Variants in NEK1 observed in about 807,000 individuals in gnomAD.
NEK1 encodes NIMA related kinase 1.
A neutral mutation model predicts 182.1 loss-of-function variants in NEK1; 137 were observed. The ratio of observed to expected loss-of-function variants is 0.75; its 90% CI spans 0.65 to 0.87. The LOEUF is 0.87. Among genes scored for constraint, NEK1 ranks in the 40% least tolerant of loss-of-function variants. NEK1 has a pLI of 0.00. For missense variants in NEK1, 1,391 were observed against 1,494.4 expected (o/e 0.93, Z 1.14); for synonymous variants, 513 against 492.2 (o/e 1.04, Z -0.56).
intron 23 of NEK1, among the ~76,000 whole-genome samples, chr4:169,490,554 G>A (rs1208928471): frequency 1.3e-5 from 2 of 152,024 alleles, no homozygotes; most frequent in Admixed American, 6.6e-5. Flanking sequence ...GGATATACAA[G>A]AGGATAGACA....
At chr4:169,519,068 T>C (rs1301322034) in intron 19 of NEK1, among the ~76,000 whole-genome samples, 4 of 46,830 alleles carry the variant, frequency 8.5e-5, no homozygotes, top group East Asian at 6.6e-4. Context: ...CCTTGTTGAC[T>C]TTCTGTCTCG....
intron 23 of NEK1, among the ~76,000 whole-genome samples, chr4:169,505,436 A>G (rs1184619932): frequency 6.6e-6 from 1 of 152,240 alleles, no homozygotes; most frequent in Non-Finnish European, 1.5e-5. Flanking sequence ...TTTTCTTAAT[A>G]ACATTTTTCC....
intron 23 of NEK1, among the ~76,000 whole-genome samples, chr4:169,500,662 G>A (rs1752266459): frequency 6.6e-6 from 1 of 152,156 alleles, no homozygotes; most frequent in Non-Finnish European, 1.5e-5. Flanking sequence ...GCCAAGCTAA[G>A]TAAGCTTCAT....
At chr4:169,429,654 A>G (rs937071176) in intron 29 of NEK1, among the ~76,000 whole-genome samples, 2 of 152,108 alleles carry the variant, frequency 1.3e-5, no homozygotes, top group African/African-American at 4.8e-5. Context: ...GTATCTGACT[A>G]GCAGTGACAT....
chr4:169,446,990 C>A (rs142821098), intron 27 of NEK1, among the ~76,000 whole-genome samples: 2 of 143,290 alleles, frequency 1.4e-5, no homozygotes, highest in Admixed American at 6.7e-5. Flanking sequence ...TTCGTTGTAA[C>A]GAGGAAGTAG....
chr4:169,399,600 TAA>T (rs1251349925), intron 35 of NEK1, among the ~76,000 whole-genome samples: 1 of 152,034 alleles, frequency 6.6e-6, no homozygotes, highest in African/African-American at 2.4e-5. Context: ...TGAATTATTC[TAA>T]GTTATAATCT....
At chr4:169,539,770 C>T (rs1221105506) in intron 18 of NEK1, among the ~76,000 whole-genome samples, 3 of 152,118 alleles carry the variant, frequency 2.0e-5, no homozygotes, top group African/African-American at 7.2e-5. Context: ...TGGAAGTTTA[C>T]ACCACCACCT....
chr4:169,532,772 T>C (rs768678608), intron 19 of NEK1, among the ~76,000 whole-genome samples: 1 of 129,894 alleles, frequency 7.7e-6, no homozygotes, highest in African/African-American at 2.9e-5. Flanking sequence ...AAATCCTATC[T>C]CTACTGAAAA....
chr4:169,580,950 A>C (rs781227892), intron 10 of NEK1, 48 bp from the exon 11 acceptor site: 1 of 1,053,704 alleles, frequency 9.5e-7, no homozygotes, highest in South Asian at 1.6e-5. Flanking sequence ...CATTTTCAAA[A>C]TAAAAAACCT....
intron 23 of NEK1, among the ~76,000 whole-genome samples, chr4:169,492,972 T>C (rs1005667499): frequency 1.3e-5 from 2 of 152,290 alleles, no homozygotes; most frequent in Non-Finnish European, 2.9e-5. Context: ...CCAAAGTGCA[T>C]GATTGTGGAC....
chr4:169,580,021 T>C (rs1044619385), intron 11 of NEK1, among the ~76,000 whole-genome samples: 10 of 152,074 alleles, frequency 6.6e-5, no homozygotes, highest in Non-Finnish European at 1.3e-4. Flanking sequence ...AGGAAAAAAA[T>C]AATTTCCCTC....
rs1264936461 is a variant in NEK1, at chr4:169,402,582, T to C, written c.3375-722A>G. Reference sequence around the variant, plus strand: ...TATTCATTCTATTTTCATGGGATTATAGATGCTGGAATGAAATAACTTATA... The same window carrying C: ...TATTCATTCTATTTTCATGGGATTACAGATGCTGGAATGAAATAACTTATA... On this transcript the variant is annotated intron_variant, in intron 32 of 35. Coordinates refer to ENST00000507142, the MANE Select transcript of NEK1 (RefSeq NM_001199397.3). Among the ~76,000 whole-genome samples, 6 of 152,224 alleles carry C rather than the reference T, an allele frequency of 3.9e-5. No individual in the cohort carries two copies. In the South Asian group the frequency reaches 6.2e-4, roughly 16 times the overall value.
At chr4:169,445,865 T>TACACACACACACAC (rs201151434) in intron 27 of NEK1, among the ~76,000 whole-genome samples, 3 of 143,280 alleles carry the variant, frequency 2.1e-5, no homozygotes, top group Non-Finnish European at 3.0e-5. Flanking sequence ...TATATATATA[T>TACACACACACACAC]ACACACACAC....
intron 16 of NEK1, 130 bp downstream of exon 16, chr4:169,561,350 A>G (rs1561415995): frequency 2.7e-6 from 2 of 753,214 alleles, no homozygotes; most frequent in East Asian, 5.3e-5. Context: ...AATAAATGTT[A>G]AAGAATTCTA....
intron 29 of NEK1, among the ~76,000 whole-genome samples, chr4:169,432,052 C>T (rs143854822): frequency 3.1e-4 from 47 of 149,492 alleles, no homozygotes; most frequent in Middle Eastern, 3.4e-3. Flanking sequence ...AAAAGACCAA[C>T]GACTAAATTA....
intron 23 of NEK1, among the ~76,000 whole-genome samples, chr4:169,494,280 G>A (rs909108508): frequency 7.9e-4 from 120 of 152,140 alleles, no homozygotes; most frequent in African/African-American, 2.8e-3. Context: ...CCTGGTGTGT[G>A]ATGTTCCCCT....
chr4:169,499,446 G>A (rs1017488401), intron 23 of NEK1, among the ~76,000 whole-genome samples: 7 of 152,194 alleles, frequency 4.6e-5, no homozygotes, highest in African/African-American at 1.7e-4. Context: ...TGCTGGTGAG[G>A]AGCTGCATTC....
chr4:169,555,643 A>G, intron 18 of NEK1, 77 bp downstream of exon 18: 1 of 1,558,166 alleles, frequency 6.4e-7, no homozygotes, highest in Non-Finnish European at 8.8e-7. Flanking sequence ...ACATCCACAA[A>G]GTGTAGGTAC....
At chr4:169,395,258 T>C (rs10018543) in intron 35 of NEK1, among the ~76,000 whole-genome samples, 137,573 of 152,220 alleles carry the variant, frequency 0.9, 62,277 homozygotes, top group African/African-American at 0.94. Flanking sequence ...TTAAAACATT[T>C]GTTAGCTCCC....
Sources: gnomAD v4.1 joint callset for allele counts (sites outside exome capture counted in the v4.1 genomes callset) on GRCh38, gnomAD v4.1.1 for gene constraint, MANE v1.5 for transcripts, NCBI Gene and HGNC (gene_info 2026-07-23, HGNC 2026-07-21) for gene names.